ASB3: variants seen among roughly 807,000 people sequenced by gnomAD.
The protein encoded by ASB3 is ankyrin repeat and SOCS box protein 3.
A neutral mutation model predicts 54.5 loss-of-function variants in ASB3; 41 were observed. The ratio of observed to expected loss-of-function variants is 0.75; its 90% CI spans 0.59 to 0.98. ASB3 has a LOEUF of 0.98. Ranked by LOEUF, ASB3 falls within the 50% of genes least tolerant of loss-of-function variation. The pLI is 0.00. For synonymous variants in ASB3, 266 were observed against 221.2 expected (o/e 1.20, Z -1.80); for missense variants, 733 against 620.0 (o/e 1.18, Z -1.94).
intron 9 of ASB3, among the ~76,000 whole-genome samples, chr2:53,678,501 G>A (rs1363595335): frequency 2.0e-5 from 3 of 152,212 alleles, no homozygotes; most frequent in Non-Finnish European, 4.4e-5. Flanking sequence ...TTTGTGAGAA[G>A]TGGTTAAATT....
chr2:53,688,685 C>T (rs925787175), intron 9 of ASB3, among the ~76,000 whole-genome samples: 1 of 151,772 alleles, frequency 6.6e-6, no homozygotes, highest in South Asian at 2.1e-4. Flanking sequence ...AACACAGGAA[C>T]AGAAAACCAA....
chr2:53,741,981 T>C (rs1192183107), intron 3 of ASB3, among the ~76,000 whole-genome samples: 1 of 152,112 alleles, frequency 6.6e-6, no homozygotes, highest in Admixed American at 6.5e-5. Flanking sequence ...AAGAAAAAGC[T>C]AGCAAAGAAC....
chr2:53,738,083 T>C (rs1671742936), intron 3 of ASB3, among the ~76,000 whole-genome samples: 2 of 152,190 alleles, frequency 1.3e-5, no homozygotes, highest in Admixed American at 1.3e-4. Context: ...GTTATTATAA[T>C]ATCCTCAATT....
chr2:53,751,569 T>A (rs10185375), intron 2 of ASB3, among the ~76,000 whole-genome samples: 13,208 of 152,092 alleles, frequency 0.087, 625 homozygotes, highest in East Asian at 0.17. Flanking sequence ...ACTCAAATTA[T>A]ACAAATGATA....
At position 53,761,758 on chromosome 2, in the gene ASB3, T is replaced by C. The variant is rs77271047; in HGVS notation, c.196+3619A>G. On this transcript the variant is annotated intron_variant, in intron 2 of 9. Coordinates refer to ENST00000263634, the MANE Select transcript of ASB3 (RefSeq NM_016115.5). ...ATCCCCTCTTGTCTATCTATATATATTCTATTGGTTCTATTTCTCCAGGAA... is the reference window on the plus strand; with the variant it reads ...ATCCCCTCTTGTCTATCTATATATACTCTATTGGTTCTATTTCTCCAGGAA... 2.7e-3 allele frequency among the ~76,000 whole-genome samples: 411 copies of C among 152,334 alleles called. 4 individuals are homozygous for C. Among genetic ancestry groups the C allele is most frequent in the African/African-American group, 9.6e-3 (398 of 41,566 alleles).
chr2:53,770,609 T>A (rs1429412017), intron 1 of ASB3, among the ~76,000 whole-genome samples: 2 of 151,264 alleles, frequency 1.3e-5, no homozygotes, highest in African/African-American at 4.9e-5. Context: ...TTTCCATTTA[T>A]AAGCAAAGAC....
chr2:53,723,282 AT>A lies in ASB3; in HGVS notation c.604+5429del, dbSNP rs746087535. ...CCATACTGCCCAAAGCAATCTATAG[AT>A]TCAACACTATTCCTTTTTTTATTTT... is the stretch of plus-strand genomic sequence containing the variant. On this transcript the variant is annotated intron_variant, in intron 5 of 9. Coordinates refer to ENST00000263634, the MANE Select transcript of ASB3 (RefSeq NM_016115.5). 6.6e-5 allele frequency among the ~76,000 whole-genome samples: 10 copies of A among 152,332 alleles called. No homozygotes were observed. The South Asian group carries it at 1.4e-3, about 22-fold the overall frequency.
At chr2:53,777,540 A>T (rs766738331) in intron 1 of ASB3, among the ~76,000 whole-genome samples, 9 of 152,140 alleles carry the variant, frequency 5.9e-5, no homozygotes, top group Admixed American at 3.9e-4. Flanking sequence ...ACCTCTTCAT[A>T]TGTCTGTTAC....
rs201926371 is a variant in ASB3 at position 53,693,926 on chromosome 2, A to C, written c.1327T>G (p.Ser443Ala). ...TLAPAVERML[S>A]ARASNAWILQ... The stretch of plus-strand genomic sequence containing the variant: ...ATCCAAGCGTTTGAGGCACGAGCAG[A>C]GAGCATCCTTTCAACAGCTGGTGCA... The change falls in exon 9 of 10, where the codon TCT (serine) becomes GCT (alanine). Residue 443 changes from serine to alanine, a missense_variant. By Grantham distance (99) the Ser-to-Ala change is moderately conservative (BLOSUM62 1). Transcript: ENST00000263634. 557 of 1,613,568 alleles carry C rather than the reference A, an allele frequency of 3.5e-4. 3 individuals are homozygous for C. Among genetic ancestry groups the C allele is most frequent in the Non-Finnish European group, 2.2e-4 (258 of 1,179,652 alleles).
chr2:53,690,750 G>T (rs1273673298), intron 9 of ASB3, among the ~76,000 whole-genome samples: 12 of 144,194 alleles, frequency 8.3e-5, no homozygotes, highest in Admixed American at 6.9e-4. Context: ...CTGTTTTACT[G>T]TTTTGTGATA....
chr2:53,741,380 A>G (rs1267820468), intron 3 of ASB3, among the ~76,000 whole-genome samples: 1 of 152,264 alleles, frequency 6.6e-6, no homozygotes, highest in African/African-American at 2.4e-5. Context: ...GCAAATTGTT[A>G]TCAGTCCTCA....
chr2:53,703,441 A>G lies in ASB3; in HGVS notation c.981-2913T>C, dbSNP rs530231373. On this transcript the variant is annotated intron_variant, in intron 7 of 9. Transcript: ENST00000263634. ...CACTGATACTGAGCTTAAAAGTTGA[A>G]TTAGCTGAAAAAATAATAAGGAAGA... Among the ~76,000 whole-genome samples, 79 of 152,332 alleles carry G rather than the reference A, an allele frequency of 5.2e-4. 1 individual carries two copies. In the South Asian group the frequency reaches 0.016, roughly 31 times the overall value.
At chr2:53,754,746 T>C (rs1002998763) in intron 2 of ASB3, among the ~76,000 whole-genome samples, 4 of 152,242 alleles carry the variant, frequency 2.6e-5, no homozygotes, top group African/African-American at 9.6e-5. Flanking sequence ...GTATATAGTC[T>C]GAATTTTTGT....
At chr2:53,730,320 G>C (rs1671232281) in intron 3 of ASB3, among the ~76,000 whole-genome samples, 2 of 152,150 alleles carry the variant, frequency 1.3e-5, no homozygotes, top group Admixed American at 1.3e-4. Flanking sequence ...AATGTTGTTA[G>C]GTGTGAGGCT....
intron 9 of ASB3, among the ~76,000 whole-genome samples, chr2:53,685,170 T>G (rs1011650634): frequency 6.6e-6 from 1 of 152,164 alleles, no homozygotes; most frequent in African/African-American, 2.4e-5. Context: ...CATGGTATAT[T>G]CAAACACATT....
chr2:53,676,393 T>G (rs554351805), intron 9 of ASB3, among the ~76,000 whole-genome samples: 1 of 152,310 alleles, frequency 6.6e-6, no homozygotes, highest in East Asian at 1.9e-4. Context: ...CTTACACACC[T>G]TTTCCAAAAC....
intron 6 of ASB3, 70 bp from the exon 7 acceptor site, chr2:53,714,651 G>C: frequency 6.6e-7 from 1 of 1,515,510 alleles, no homozygotes; most frequent in Non-Finnish European, 8.9e-7. Context: ...CATTTCTATA[G>C]CACAATTTTT....
rs566377066 is a variant in ASB3 at position 53,786,344 on chromosome 2, T to A, written c.-14+477A>T. ...AATCTAGAGATGGAGGGTAAAAATG[T>A]AGGGTTGTGATGTCTAGCTGCCCAT... On this transcript the variant is annotated intron_variant, in intron 1 of 9. Transcript: ENST00000263634. 5.3e-5 allele frequency: 8 copies of A among 152,280 alleles called. No homozygotes were observed. In the East Asian group the frequency reaches 1.2e-3, roughly 22 times the overall value. 9.4% of individuals were successfully genotyped at this position (152,280 alleles called of 1,614,324 possible).
In ASB3 at chr2:53,774,373, G is replaced by C. The variant is rs147508495; in HGVS notation, c.-13-8788C>G. ...CATTGCTGAACAAATTTTTAATGCAGCTGGTCCAAGTGGAAGAAATACAGA... is the reference window on the plus strand; with the variant it reads ...CATTGCTGAACAAATTTTTAATGCACCTGGTCCAAGTGGAAGAAATACAGA... On this transcript the variant is annotated intron_variant, in intron 1 of 9. Transcript: ENST00000263634. 20 of 1,613,398 alleles carry C rather than the reference G, an allele frequency of 1.2e-5. No individual in the cohort carries two copies. In the African/African-American group the frequency reaches 2.3e-4, roughly 18 times the overall value.
Sources: allele counts gnomAD v4.1 joint callset (sites outside exome capture counted in the v4.1 genomes callset), GRCh38; gene constraint gnomAD v4.1.1; transcripts MANE v1.5; gene names NCBI Gene and HGNC (gene_info 2026-07-23, HGNC 2026-07-21).